CSNK1G3: variants seen among roughly 807,000 people sequenced by gnomAD.
CSNK1G3 encodes casein kinase 1 gamma 3.
A neutral mutation model predicts 64.3 loss-of-function variants in CSNK1G3; 23 were observed. The ratio of observed to expected loss-of-function variants is 0.36; its 90% CI spans 0.26 to 0.51. The LOEUF is 0.51. CSNK1G3 is among the 20% of genes least tolerant of loss of function. The pLI is 0.96. For missense variants in CSNK1G3, 357 were observed against 510.5 expected, an observed-to-expected ratio of 0.70 and a Z score of 2.90; for synonymous variants, 158 against 162.2, an observed-to-expected ratio of 0.97 and a Z score of 0.20.
At chr5:123,610,223 CAA>C (rs903518126) in intron 12 of CSNK1G3, among the ~76,000 whole-genome samples, 15 of 151,976 alleles carry the variant, frequency 9.9e-5, no homozygotes, top group African/African-American at 3.1e-4. Flanking sequence ...TTCTTTAAAT[CAA>C]GAGATCCAGA....
At chr5:123,603,848 G>A (rs959233308) in intron 10 of CSNK1G3, among the ~76,000 whole-genome samples, 3 of 152,110 alleles carry the variant, frequency 2.0e-5, no homozygotes, top group Non-Finnish European at 4.4e-5. Flanking sequence ...AGGTAGGCAG[G>A]CATCACATCA....
intron 12 of CSNK1G3, among the ~76,000 whole-genome samples, chr5:123,608,654 A>G (rs1795779550): frequency 1.3e-5 from 2 of 152,154 alleles, no homozygotes; most frequent in Non-Finnish European, 2.9e-5. Flanking sequence ...TTGGTTGGAA[A>G]GTATACTAAC....
At chr5:123,564,309 T>C in intron 4 of CSNK1G3, among the ~76,000 whole-genome samples, 1 of 152,026 alleles carries the variant, frequency 6.6e-6, no homozygotes, top group East Asian at 1.9e-4. Context: ...TTATAGTATT[T>C]TCAATGATTA....
rs950936981 is a variant in CSNK1G3 at position 123,592,326 on chromosome 5, T to C, written c.1086+912T>C. 8.5e-5 allele frequency among the ~76,000 whole-genome samples: 13 copies of C among 152,048 alleles called. 1 individual carries two copies. Among genetic ancestry groups the C allele is most frequent in the Non-Finnish European group, 1.9e-4 (13 of 67,892 alleles). The stretch of plus-strand genomic sequence containing the variant: ...GAGCAGGAGGTAGGTAGAGATGGAT[T>C]AGAGAGGGAGTAGAGAGTCAGTCTG... On this transcript the variant is annotated intron_variant, in intron 10 of 12. Coordinates refer to ENST00000345990, the Ensembl canonical transcript of CSNK1G3.
intron 1 of CSNK1G3, among the ~76,000 whole-genome samples, chr5:123,536,024 C>T (rs1780736327): frequency 6.6e-6 from 1 of 152,072 alleles, no homozygotes; most frequent in South Asian, 2.1e-4. Flanking sequence ...AGGGAAAAGG[C>T]AAAAGTCCTT....
chr5:123,566,821 G>C (rs981147764), intron 4 of CSNK1G3, among the ~76,000 whole-genome samples: 2 of 150,856 alleles, frequency 1.3e-5, no homozygotes, highest in African/African-American at 2.4e-5. Context: ...GCATATGTTC[G>C]TAATAAAAAT....
intron 10 of CSNK1G3, among the ~76,000 whole-genome samples, chr5:123,595,501 A>T (rs1258601129): frequency 4.6e-5 from 7 of 152,084 alleles, no homozygotes; most frequent in Non-Finnish European, 1.0e-4. Flanking sequence ...ATTTTTTCCC[A>T]TTCATTGACT....
chr5:123,603,783 T>C (rs1265792801), intron 10 of CSNK1G3, among the ~76,000 whole-genome samples: 1 of 152,060 alleles, frequency 6.6e-6, no homozygotes, highest in African/African-American at 2.4e-5. Flanking sequence ...GGGAAGAATC[T>C]CGACATATTG....
chr5:123,520,202 A>G (rs1171150712), intron 1 of CSNK1G3, among the ~76,000 whole-genome samples: 2 of 152,200 alleles, frequency 1.3e-5, no homozygotes, highest in African/African-American at 4.8e-5. Flanking sequence ...CAAGAAAATG[A>G]TCTTAAGCAT....
chr5:123,569,422 T>A (rs1787626980), intron 4 of CSNK1G3, among the ~76,000 whole-genome samples: 1 of 152,200 alleles, frequency 6.6e-6, no homozygotes, highest in Non-Finnish European at 1.5e-5. Context: ...AAAAACTTTT[T>A]CTATTCTCAT....
intron 1 of CSNK1G3, among the ~76,000 whole-genome samples, chr5:123,525,532 C>T (rs572308813): frequency 3.3e-5 from 5 of 152,098 alleles, no homozygotes; most frequent in Admixed American, 2.0e-4. Flanking sequence ...TGACCTCAAG[C>T]GATCTGCCCA....
At chr5:123,562,835 G>A (rs899892720) in intron 4 of CSNK1G3, among the ~76,000 whole-genome samples, 1 of 151,986 alleles carries the variant, frequency 6.6e-6, no homozygotes, top group Non-Finnish European at 1.5e-5. Context: ...ATACAACTCA[G>A]CCATCTAAAA....
chr5:123,544,163 T>C (rs943160587), intron 1 of CSNK1G3, among the ~76,000 whole-genome samples: 1 of 152,154 alleles, frequency 6.6e-6, no homozygotes, highest in Non-Finnish European at 1.5e-5. Flanking sequence ...TTACCAGTAC[T>C]GCACATAGCC....
intron 6 of CSNK1G3, among the ~76,000 whole-genome samples, chr5:123,577,552 C>CTT (rs142234877): frequency 1.3e-5 from 2 of 150,754 alleles, no homozygotes. Flanking sequence ...ATATTTGTAT[C>CTT]TTTTTTTTTA....
Position 123,544,028 on chromosome 5 carries a change from T to C in CSNK1G3, c.-247-1389T>C, listed in dbSNP as rs547704691. On this transcript the variant is annotated intron_variant, in intron 1 of 12. Coordinates refer to ENST00000345990, the Ensembl canonical transcript of CSNK1G3. ...GCCTTTCTTCACAGTCCAGGACACA[T>C]AGCCCTCCTGTGCAAAAATCTCACA... 7.9e-4 allele frequency among the ~76,000 whole-genome samples: 121 copies of C among 152,214 alleles called. 1 individual carries two copies. The highest frequency in any genetic ancestry group is 2.2e-3 in the Admixed American group (33 of 15,278).
chr5:123,589,712 T>A (rs1330716800), intron 8 of CSNK1G3, among the ~76,000 whole-genome samples: 2 of 152,028 alleles, frequency 1.3e-5, no homozygotes, highest in Non-Finnish European at 2.9e-5. Context: ...TGTTTGTCTG[T>A]TTGTTTGTTT....
At chr5:123,570,425 C>T (rs1787866848) in intron 4 of CSNK1G3, among the ~76,000 whole-genome samples, 1 of 148,324 alleles carries the variant, frequency 6.7e-6, no homozygotes, top group Non-Finnish European at 1.5e-5. Flanking sequence ...GCGATCTTGG[C>T]TCACTGCAAC....
At chr5:123,592,234 A>G (rs1792504247) in intron 10 of CSNK1G3, among the ~76,000 whole-genome samples, 1 of 152,052 alleles carries the variant, frequency 6.6e-6, no homozygotes, top group Non-Finnish European at 1.5e-5. Context: ...AGTGAATAAT[A>G]TAAAATATGA....
intron 2 of CSNK1G3, among the ~76,000 whole-genome samples, chr5:123,547,399 T>TGAA (rs1349188833): frequency 1.3e-5 from 2 of 152,128 alleles, no homozygotes; most frequent in Non-Finnish European, 2.9e-5. Flanking sequence ...TGTATTTGTG[T>TGAA]GAATACACAC....
Sources: gnomAD v4.1 joint callset for allele counts (sites outside exome capture counted in the v4.1 genomes callset) on GRCh38, gnomAD v4.1.1 for gene constraint, MANE v1.5 for transcripts, NCBI Gene and HGNC (gene_info 2026-07-23, HGNC 2026-07-21) for gene names.